Variants in WDPCP observed in about 807,000 individuals in gnomAD.
WDPCP encodes WD repeat containing planar cell polarity effector.
WDPCP carries 71 observed loss-of-function variants against 93.1 expected under a neutral mutation model. That is an observed-to-expected ratio of 0.76 (90% CI 0.63 to 0.93). The LOEUF is 0.93. Ranked by LOEUF, WDPCP falls within the 40% of genes least tolerant of loss-of-function variation. The pLI is 0.00. For missense variants in WDPCP, 844 were observed against 887.4 expected (o/e 0.95, Z 0.62); for synonymous variants, 315 against 315.0 (o/e 1.00, Z 0.00).
chr2:63,452,970 G>A (rs1698362665), intron 6 of WDPCP, among the ~76,000 whole-genome samples: 2 of 152,158 alleles, frequency 1.3e-5, no homozygotes, highest in South Asian at 4.1e-4. Context: ...TTAAATGTTA[G>A]ACCTAAAACC....
intron 9 of WDPCP, among the ~76,000 whole-genome samples, chr2:63,406,449 A>G (rs1229020259): frequency 6.6e-6 from 1 of 152,192 alleles, no homozygotes; most frequent in African/African-American, 2.4e-5. Context: ...ATTGCATAAA[A>G]TCTTCTCGAT....
intron 2 of WDPCP, among the ~76,000 whole-genome samples, chr2:63,685,887 C>T (rs1668799393): frequency 6.6e-6 from 1 of 152,152 alleles, no homozygotes; most frequent in South Asian, 2.1e-4. Flanking sequence ...GCTGAAAAAG[C>T]ATTTGATACA....
intron 3 of WDPCP, among the ~76,000 whole-genome samples, chr2:63,631,800 G>A (rs1709867477): frequency 6.6e-6 from 1 of 152,216 alleles, no homozygotes; most frequent in Admixed American, 6.5e-5. Context: ...CTCAATGGAG[G>A]ACTCCAGCAA....
intron 14 of WDPCP, among the ~76,000 whole-genome samples, chr2:63,206,389 T>G: frequency 6.6e-6 from 1 of 152,194 alleles, no homozygotes; most frequent in Non-Finnish European, 1.5e-5. Flanking sequence ...TCTCTCCCAG[T>G]GTCAGATATG....
chr2:63,433,861 T>G lies in WDPCP; in HGVS notation c.709A>C (p.Arg237=). 1 of 1,614,062 alleles carries G rather than the reference T, an allele frequency of 6.2e-7. No individual in the cohort carries two copies. The highest frequency in any genetic ancestry group is 8.5e-7 in the Non-Finnish European group (1 of 1,179,948). Residue 237 remains arginine, a synonymous_variant, in exon 9 of 18, where the codon AGA becomes CGA. Transcript: ENST00000272321. The part of the protein sequence containing the change: ...RHLAINCVHD[R]VVCWWPLVND... ...ACCAGTGGCCACCAGCAAACAACTC[T>G]ATCATGAACACAGTTGATAGCTAGA...
At chr2:63,706,448 T>C (rs988359190) in intron 2 of WDPCP, among the ~76,000 whole-genome samples, 9 of 152,250 alleles carry the variant, frequency 5.9e-5, no homozygotes, top group Admixed American at 3.9e-4. Context: ...TGTTCCTTTC[T>C]ATGTTTAGTG....
intron 12 of WDPCP, among the ~76,000 whole-genome samples, chr2:63,345,584 T>C (rs1689136151): frequency 6.6e-6 from 1 of 152,162 alleles, no homozygotes; most frequent in African/African-American, 2.4e-5. Context: ...TCTTCTTAAT[T>C]TGAAGGGCAG....
At chr2:63,202,431 C>T (rs1675986946) in intron 14 of WDPCP, among the ~76,000 whole-genome samples, 1 of 152,092 alleles carries the variant, frequency 6.6e-6, no homozygotes, top group African/African-American at 2.4e-5. Context: ...AAGGCATATC[C>T]TCCATTATCA....
At chr2:63,497,718 C>A (rs1701318093) in intron 1 of WDPCP, among the ~76,000 whole-genome samples, 1 of 152,118 alleles carries the variant, frequency 6.6e-6, no homozygotes, top group Admixed American at 6.5e-5. Flanking sequence ...CTCAAGTGTG[C>A]CACCAGTTAA....
At chr2:63,510,628 G>A (rs1276452833) in intron 1 of WDPCP, among the ~76,000 whole-genome samples, 2 of 152,218 alleles carry the variant, frequency 1.3e-5, no homozygotes, top group African/African-American at 4.8e-5. Context: ...AATAGGAAGA[G>A]AGGAAATCAA....
chr2:63,641,565 T>G (rs962879405), intron 3 of WDPCP, among the ~76,000 whole-genome samples: 6 of 152,236 alleles, frequency 3.9e-5, no homozygotes, highest in African/African-American at 1.4e-4. Flanking sequence ...CTTTTTCATA[T>G]GCCTGTTTGT....
chr2:63,217,738 C>G (rs183123052), intron 14 of WDPCP, among the ~76,000 whole-genome samples: 22 of 152,196 alleles, frequency 1.4e-4, no homozygotes, highest in African/African-American at 5.1e-4. Context: ...AGATGAAAAG[C>G]GACTGAAATT....
chr2:63,592,520 G>GT (rs1709219511), upstream of WDPCP, among the ~76,000 whole-genome samples: 2 of 151,950 alleles, frequency 1.3e-5, no homozygotes, highest in East Asian at 3.9e-4. Context: ...CAGCTAAATT[G>GT]TTTTTTTAAG....
intron 2 of WDPCP, among the ~76,000 whole-genome samples, chr2:63,488,213 A>G (rs1486529886): frequency 6.6e-6 from 1 of 152,032 alleles, no homozygotes; most frequent in African/African-American, 2.4e-5. Flanking sequence ...TTGAAGGAAC[A>G]TTTGTTTTCT....
chr2:63,457,738 G>A (rs1179108752), intron 6 of WDPCP, among the ~76,000 whole-genome samples: 1 of 152,096 alleles, frequency 6.6e-6, no homozygotes, highest in East Asian at 1.9e-4. Flanking sequence ...GAAAAAGCAT[G>A]TAATAAAATT....
intron 1 of WDPCP, among the ~76,000 whole-genome samples, chr2:63,574,708 T>C (rs1304270604): frequency 2.0e-5 from 3 of 152,068 alleles, no homozygotes; most frequent in African/African-American, 7.2e-5. Flanking sequence ...AAAAAAAATG[T>C]AAAAGACTGA....
At chr2:63,704,160 G>A (rs1036766566) in intron 2 of WDPCP, among the ~76,000 whole-genome samples, 1 of 152,178 alleles carries the variant, frequency 6.6e-6, no homozygotes, top group East Asian at 1.9e-4. Flanking sequence ...TGTATCCTGC[G>A]ACTTTGCTGA....
chr2:63,312,569 C>T (rs972930825), intron 13 of WDPCP, among the ~76,000 whole-genome samples: 3 of 152,200 alleles, frequency 2.0e-5, no homozygotes, highest in African/African-American at 7.2e-5. Flanking sequence ...AATGAAATTG[C>T]TGTCTAACAG....
At chr2:63,604,881 A>G (rs1456512009) in intron 3 of WDPCP, 1 of 1,613,722 alleles carries the variant, frequency 6.2e-7, no homozygotes, top group Non-Finnish European at 8.5e-7. Flanking sequence ...CGGTAAGAAA[A>G]ATCTGTGAGC....
Sources: allele counts gnomAD v4.1 joint callset (sites outside exome capture counted in the v4.1 genomes callset), GRCh38; gene constraint gnomAD v4.1.1; transcripts MANE v1.5; gene names NCBI Gene and HGNC (gene_info 2026-07-23, HGNC 2026-07-21).